BAZ2B: variants seen among roughly 807,000 people sequenced by gnomAD.
BAZ2B encodes bromodomain adjacent to zinc finger domain 2B.
A neutral mutation model predicts 246.0 loss-of-function variants in BAZ2B; 91 were observed. The observed-to-expected ratio is 0.37, with a 90% CI of 0.31 to 0.44. The LOEUF is 0.44. Among genes scored for constraint, BAZ2B ranks in the 20% least tolerant of loss-of-function variants. The pLI is 1.00. For missense variants in BAZ2B, 2,332 were observed against 2,533.7 expected (o/e 0.92, Z 1.71); for synonymous variants, 855 against 860.0 (o/e 0.99, Z 0.10).
the BAZ2B span, among the ~76,000 whole-genome samples, chr2:159,686,822 C>A: frequency 9.1e-4 from 138 of 152,214 alleles, 1 homozygote; most frequent in African/African-American, 3.2e-3. Flanking sequence ...GCGGACGGAT[C>A]ACAAGGTCAG....
At chr2:159,524,244 A>G (rs1157266956) in intron 2 of BAZ2B, among the ~76,000 whole-genome samples, 2 of 152,000 alleles carry the variant, frequency 1.3e-5, no homozygotes, top group African/African-American at 4.8e-5. Context: ...ACACAGCAAG[A>G]CCCCATCTCT....
chr2:159,408,675 TTGGGAGGCCAAGACAGA>T (rs755622978), intron 14 of BAZ2B, among the ~76,000 whole-genome samples: 5 of 152,110 alleles, frequency 3.3e-5, no homozygotes, highest in Non-Finnish European at 7.4e-5. Flanking sequence ...TCCCAGCACT[TTGGGAGGCCAAGACAGA>T]TGGATCACCT....
upstream of BAZ2B, among the ~76,000 whole-genome samples, chr2:159,619,501 G>C (rs1225515238): frequency 6.6e-6 from 1 of 150,604 alleles, no homozygotes; most frequent in Admixed American, 6.6e-5. Flanking sequence ...ACTGACATAG[G>C]TATCTCAAAT....
Position 159,351,976 on chromosome 2 carries a change from C to T in BAZ2B, c.4214-1619G>A, listed in dbSNP as rs149915448. ...TACACCTTCCCAGAAATAGTATATA[C>T]GTTATCTATGACTACCATTTTGCAT... is the stretch of plus-strand genomic sequence containing the variant. On this transcript the variant is annotated intron_variant, in intron 27 of 36. Transcript: ENST00000392783. Among the ~76,000 whole-genome samples, 16 of 152,244 alleles carry T rather than the reference C, an allele frequency of 1.1e-4. No individual in the cohort carries two copies. In the East Asian group the frequency reaches 1.7e-3, roughly 17 times the overall value.
At chr2:159,501,360 C>G (rs2081810182) in intron 2 of BAZ2B, among the ~76,000 whole-genome samples, 1 of 146,854 alleles carries the variant, frequency 6.8e-6, no homozygotes, top group Non-Finnish European at 1.5e-5. Context: ...ATGCCATGCA[C>G]TCCAGCCTGG....
In BAZ2B at chr2:159,439,048, A is replaced by G. The variant is rs1193322839; in HGVS notation, c.861T>C (p.Ser287=). The change falls in exon 7 of 37, where the codon TCT becomes TCC. Residue 287 remains serine (S), a synonymous_variant. Transcript: ENST00000392783. ...TATGTTGTGCTTCACTCTCTGAATCAGAATCATCATCTTCACTTTCTTCAA... is the reference window on the plus strand; with the variant it reads ...TATGTTGTGCTTCACTCTCTGAATCGGAATCATCATCTTCACTTTCTTCAA... ...QSIEESEDDD[S]DSESEAQHKS... 9.3e-6 allele frequency: 15 copies of G among 1,613,730 alleles called. No individual in the cohort carries two copies. The highest frequency in any genetic ancestry group is 1.3e-5 in the Non-Finnish European group (15 of 1,179,962).
At chr2:159,571,741 GCA>G (rs1377175197) in intron 1 of BAZ2B, among the ~76,000 whole-genome samples, 3 of 152,164 alleles carry the variant, frequency 2.0e-5, no homozygotes, top group Non-Finnish European at 4.4e-5. Context: ...CAAGAGCATG[GCA>G]CTGGCATCTT....
intron 31 of BAZ2B, among the ~76,000 whole-genome samples, chr2:159,346,865 C>T (rs1396340387): frequency 6.6e-6 from 1 of 151,990 alleles, no homozygotes; most frequent in Non-Finnish European, 1.5e-5. Flanking sequence ...TGATCATTAC[C>T]TGTAACATGA....
chr2:159,462,570 T>C, intron 3 of BAZ2B: 1 of 882,708 alleles, frequency 1.1e-6, no homozygotes, highest in East Asian at 2.4e-5. Context: ...ATGATTTTAA[T>C]AAACTCCTTG....
At chr2:159,621,844 G>T in the BAZ2B span, among the ~76,000 whole-genome samples, 1 of 152,018 alleles carries the variant, frequency 6.6e-6, no homozygotes, top group Non-Finnish European at 1.5e-5. Flanking sequence ...GGTAGCTCAC[G>T]CCTGTAATCC....
chr2:159,386,207 C>T (rs896960595), intron 22 of BAZ2B, 146 bp downstream of exon 22: 1 of 938,300 alleles, frequency 1.1e-6, no homozygotes, highest in Non-Finnish European at 1.5e-6. Context: ...TGAAGTGTAA[C>T]CTGACACAAA....
chr2:159,519,664 TTTC>T (rs1334277286), intron 2 of BAZ2B, among the ~76,000 whole-genome samples: 6 of 142,518 alleles, frequency 4.2e-5, no homozygotes, highest in South Asian at 2.3e-4. Flanking sequence ...ATAAGGGACC[TTTC>T]TTCTTTTTTT....
At chr2:159,419,178 A>T (rs1238702184) in intron 13 of BAZ2B, among the ~76,000 whole-genome samples, 1 of 152,146 alleles carries the variant, frequency 6.6e-6, no homozygotes, top group East Asian at 1.9e-4. Context: ...CTAAAAGCAA[A>T]TTGATCTTAA....
the BAZ2B span, among the ~76,000 whole-genome samples, chr2:159,703,273 T>TC: frequency 6.6e-6 from 1 of 150,718 alleles, no homozygotes; most frequent in Non-Finnish European, 1.5e-5. Context: ...ATTTTTTTTT[T>TC]AGTAGAGATA....
chr2:159,475,605 G>T (rs1559553430), intron 3 of BAZ2B, among the ~76,000 whole-genome samples: 1 of 152,188 alleles, frequency 6.6e-6, no homozygotes, highest in East Asian at 1.9e-4. Flanking sequence ...CTGGATAGGA[G>T]ATGTGATCCT....
chr2:159,682,191 CTTTTTTTTTTTTT>C, the BAZ2B span, among the ~76,000 whole-genome samples: 1 of 111,762 alleles, frequency 8.9e-6, no homozygotes, highest in African/African-American at 3.1e-5. Flanking sequence ...TGCTCAGGCT[CTTTTTTTTTTTTT>C]TTTTTTTTTA....
In BAZ2B at chr2:159,433,205, C is replaced by T. The variant is rs1459691348; in HGVS notation, c.1452G>A (p.Leu484=). 2 of 1,614,140 alleles carry T rather than the reference C, an allele frequency of 1.2e-6. No individual in the cohort carries two copies. The highest frequency in any genetic ancestry group is 1.7e-6 in the Non-Finnish European group (2 of 1,180,012). ...GGTGATTACCTAAAAGTGCATTTGT[C>T]AAGAATGGATTTGGGTGGTTGTTTT... ...TLENNHPNPF[L]TNALLGNHQP... is the part of the protein sequence containing the mutation. The change falls in exon 9 of 37, where the codon TTG becomes TTA. Residue 484 remains leucine, a synonymous_variant. Transcript: ENST00000392783.
intron 1 of BAZ2B, among the ~76,000 whole-genome samples, chr2:159,595,120 T>A (rs1690357954): frequency 6.6e-6 from 1 of 151,556 alleles, no homozygotes; most frequent in African/African-American, 2.4e-5. Context: ...TTTTTTTTTT[T>A]AAACGGAGTT....
At chr2:159,479,467 C>A (rs1213383253) in intron 2 of BAZ2B, among the ~76,000 whole-genome samples, 1 of 152,012 alleles carries the variant, frequency 6.6e-6, no homozygotes, top group African/African-American at 2.4e-5. Context: ...CACAATCAAG[C>A]AAGAAAGTCA....
Sources: gnomAD v4.1 joint callset for allele counts (sites outside exome capture counted in the v4.1 genomes callset) on GRCh38, gnomAD v4.1.1 for gene constraint, MANE v1.5 for transcripts, NCBI Gene and HGNC (gene_info 2026-07-23, HGNC 2026-07-21) for gene names.